Variants in DOCK9 observed in about 807,000 individuals in gnomAD.
The protein encoded by DOCK9 is dedicator of cytokinesis 9.
A neutral mutation model predicts 263.3 loss-of-function variants in DOCK9; 89 were observed. The observed-to-expected ratio is 0.34, with a 90% CI of 0.28 to 0.40. DOCK9 has a LOEUF of 0.40. DOCK9 is among the 10% of genes least tolerant of loss of function. DOCK9 has a pLI of 1.00. For synonymous variants in DOCK9, 976 were observed against 973.1 expected, an observed-to-expected ratio of 1.00 and a Z score of -0.06; for missense variants, 2,140 against 2,603.4, an observed-to-expected ratio of 0.82 and a Z score of 3.87.
intron 1 of DOCK9, among the ~76,000 whole-genome samples, chr13:98,967,314 T>C (rs1364264439): frequency 1.3e-5 from 2 of 152,270 alleles, no homozygotes; most frequent in Non-Finnish European, 2.9e-5. Flanking sequence ...CATAGTTATG[T>C]GTAGTTCACA....
At chr13:98,873,327 C>T (rs117018362) in intron 27 of DOCK9, among the ~76,000 whole-genome samples, 1,715 of 152,310 alleles carry the variant, frequency 0.011, 74 homozygotes, top group Admixed American at 0.077. Context: ...TCTGTCTGTT[C>T]GCTTCCCTGT....
At chr13:99,034,655 G>A (rs1184022342) in intron 1 of DOCK9, among the ~76,000 whole-genome samples, 1 of 152,210 alleles carries the variant, frequency 6.6e-6, no homozygotes, top group Non-Finnish European at 1.5e-5. Flanking sequence ...ACGAACAGCA[G>A]AGACAGATAG....
chr13:98,892,415 GT>G (rs2046763638), intron 15 of DOCK9, among the ~76,000 whole-genome samples: 1 of 152,020 alleles, frequency 6.6e-6, no homozygotes. Flanking sequence ...ATACAGGTAT[GT>G]TTGGACTGCT....
At chr13:98,881,146 C>T (rs1458441542) in intron 25 of DOCK9, among the ~76,000 whole-genome samples, 1 of 151,944 alleles carries the variant, frequency 6.6e-6, no homozygotes, top group African/African-American at 2.4e-5. Flanking sequence ...CTTGCTGTCC[C>T]ACAGAGTCAT....
chr13:98,917,892 A>G (rs2051167615), intron 7 of DOCK9, among the ~76,000 whole-genome samples: 2 of 152,166 alleles, frequency 1.3e-5, no homozygotes, highest in South Asian at 4.1e-4. Context: ...GCAGGTGGGC[A>G]GGAGATGCCC....
chr13:98,837,667 G>C (rs2093055443), intron 38 of DOCK9, 58 bp from the exon 39 acceptor site: 2 of 1,189,402 alleles, frequency 1.7e-6, no homozygotes, highest in Non-Finnish European at 2.4e-6. Flanking sequence ...AGGCTGGCAG[G>C]ATGCGGTAGG....
intron 52 of DOCK9, among the ~76,000 whole-genome samples, chr13:98,795,133 G>A (rs778083424): frequency 1.4e-4 from 21 of 152,184 alleles, no homozygotes; most frequent in Admixed American, 4.6e-4. Context: ...AGCCTTCTAC[G>A]CTCACCAGAT....
At chr13:98,924,095 A>G (rs2052528195) in intron 4 of DOCK9, among the ~76,000 whole-genome samples, 1 of 152,258 alleles carries the variant, frequency 6.6e-6, no homozygotes, top group East Asian at 1.9e-4. Context: ...CAACCCTGAG[A>G]CTATGAACAA....
intron 17 of DOCK9, 37 bp from the exon 18 acceptor site, chr13:98,888,260 C>A (rs368027359): frequency 1.2e-6 from 2 of 1,604,006 alleles, no homozygotes; most frequent in South Asian, 2.3e-5. Flanking sequence ...GAAAAAACAA[C>A]AGAAAGTCAG....
chr13:98,867,167 G>A, intron 30 of DOCK9: 1 of 537,696 alleles, frequency 1.9e-6, no homozygotes, highest in Non-Finnish European at 3.4e-6. Flanking sequence ...AACTGAAATA[G>A]ATTCCTTTTC....
At chr13:98,990,698 G>A (rs971329741) in intron 1 of DOCK9, among the ~76,000 whole-genome samples, 12 of 152,180 alleles carry the variant, frequency 7.9e-5, no homozygotes, top group African/African-American at 2.9e-4. Flanking sequence ...CAATCCCATG[G>A]TCAAGTTCTT....
chr13:98,991,518 G>T (rs996756409), intron 1 of DOCK9, among the ~76,000 whole-genome samples: 3 of 152,028 alleles, frequency 2.0e-5, no homozygotes, highest in African/African-American at 7.2e-5. Context: ...GACTCTGTGT[G>T]ACAAAAAGAA....
intron 30 of DOCK9, among the ~76,000 whole-genome samples, chr13:98,864,252 C>T (rs2093956936): frequency 1.3e-5 from 2 of 152,144 alleles, no homozygotes; most frequent in Non-Finnish European, 2.9e-5. Flanking sequence ...GGTAAATCAC[C>T]AGCAAGCTAA....
intron 19 of DOCK9, 45 bp from the exon 20 acceptor site, chr13:98,885,876 GA>G: frequency 1.3e-6 from 2 of 1,565,506 alleles, no homozygotes; most frequent in Non-Finnish European, 1.7e-6. Flanking sequence ...TAAAAACACA[GA>G]AACTCTCAGT....
chr13:99,034,303 C>G (rs545414256), intron 1 of DOCK9, among the ~76,000 whole-genome samples: 1 of 152,204 alleles, frequency 6.6e-6, no homozygotes, highest in Non-Finnish European at 1.5e-5. Flanking sequence ...GAGGTAACAG[C>G]TCTCCAGTAG....
intron 1 of DOCK9, among the ~76,000 whole-genome samples, chr13:98,976,889 T>C (rs1384018244): frequency 6.6e-6 from 1 of 151,980 alleles, no homozygotes; most frequent in African/African-American, 2.4e-5. Flanking sequence ...ATTAAGTAAA[T>C]TAGTAAGCAA....
intron 1 of DOCK9, among the ~76,000 whole-genome samples, chr13:99,077,838 T>C (rs1402110133): frequency 6.6e-6 from 1 of 152,156 alleles, no homozygotes; most frequent in African/African-American, 2.4e-5. Context: ...GGAACTAGGC[T>C]CCCAGCCCAC....
upstream of DOCK9, among the ~76,000 whole-genome samples, chr13:98,979,901 CCAA>C (rs1318026928): frequency 3.3e-5 from 5 of 152,234 alleles, no homozygotes; most frequent in African/African-American, 1.2e-4. Context: ...GACAGCCCAA[CCAA>C]CAACTCAGAA....
chr13:98,796,206 C>T (rs1408171888), intron 52 of DOCK9: 1 of 1,585,356 alleles, frequency 6.3e-7, no homozygotes, highest in Non-Finnish European at 8.6e-7. Context: ...ATGACATTAC[C>T]ATCCCAGCTG....
Sources: gnomAD v4.1 joint callset for allele counts (sites outside exome capture counted in the v4.1 genomes callset) on GRCh38, gnomAD v4.1.1 for gene constraint, MANE v1.5 for transcripts, NCBI Gene and HGNC (gene_info 2026-07-23, HGNC 2026-07-21) for gene names.